SPICE1: variants seen among roughly 807,000 people sequenced by gnomAD.
The protein encoded by SPICE1 is spindle and centriole-associated protein 1.
In SPICE1, 75 loss-of-function variants were observed where a neutral mutation model predicts 102.7. The observed-to-expected ratio is 0.73, with a 90% CI of 0.61 to 0.88. SPICE1 has a LOEUF of 0.88. Among genes scored for constraint, SPICE1 ranks in the 40% least tolerant of loss-of-function variants. The pLI, the probability that SPICE1 is intolerant of heterozygous loss-of-function variation, is 0.00. For missense variants in SPICE1, 979 were observed against 1,020.1 expected (o/e 0.96, Z 0.55); for synonymous variants, 308 against 350.3 (o/e 0.88, Z 1.35).
At chr3:113,451,831 C>G (rs1489537698) in intron 14 of SPICE1, among the ~76,000 whole-genome samples, 1 of 152,072 alleles carries the variant, frequency 6.6e-6, no homozygotes, top group African/African-American at 2.4e-5. Flanking sequence ...GATTCAATAC[C>G]CATATTGTCC....
In SPICE1 at chr3:113,465,728, T is replaced by C. The variant is rs1012749187; in HGVS notation, c.1212A>G (p.Leu404=). The C allele has an allele frequency of 8.7e-6, 14 of 1,613,818 alleles. No individual in the cohort carries two copies. Among genetic ancestry groups the C allele is most frequent in the Admixed American group, 1.7e-5 (1 of 59,986 alleles). The change falls in exon 11 of 18, where the codon TTA becomes TTG. Residue 404 remains leucine (L), a synonymous_variant. Coordinates refer to ENST00000295872, the MANE Select transcript of SPICE1 (RefSeq NM_144718.4). ...VETRQQLEQV[L]GDHRELIDAL... ...CATCAATGAGCTCTCGATGATCACC[T>C]AATACTTGTTCCAGTTGTTGCCTTG...
At chr3:113,460,538 T>C in intron 12 of SPICE1, 79 bp downstream of exon 12, 1 of 1,510,184 alleles carries the variant, frequency 6.6e-7, no homozygotes, top group Non-Finnish European at 8.8e-7. Flanking sequence ...TATATAAGTT[T>C]AGAGATTTAA....
chr3:113,451,425 C>T (rs78382321), intron 14 of SPICE1, among the ~76,000 whole-genome samples: 6,200 of 151,934 alleles, frequency 0.041, 153 homozygotes, highest in East Asian at 0.1. Context: ...AAAAAATAAT[C>T]CCTAATAAAA....
Position 113,445,251 on chromosome 3 carries a change from C to T in SPICE1, c.*56G>A, listed in dbSNP as rs113186880. 5.6e-6 allele frequency: 8 copies of T among 1,419,988 alleles called. No homozygotes were observed. The highest frequency in any genetic ancestry group is 4.3e-5 in the African/African-American group (3 of 70,292). 88.0% of individuals were successfully genotyped at this position (1,419,988 alleles called of 1,614,324 possible). The stretch of plus-strand genomic sequence containing the variant: ...GGATATAAAAACTTAAAAGTCAGAG[C>T]AGGGAAAGGGAAGTAATAAATTATT... On this transcript the variant is annotated 3_prime_UTR_variant, in exon 18 of 18. Transcript: ENST00000295872.
intron 7 of SPICE1, among the ~76,000 whole-genome samples, chr3:113,475,012 A>T (rs2107473049): frequency 6.6e-6 from 1 of 152,296 alleles, no homozygotes; most frequent in East Asian, 1.9e-4. Context: ...TTTTGAAAGG[A>T]TCAACAAAAT....
chr3:113,458,753 G>A (rs372250902), intron 12 of SPICE1, among the ~76,000 whole-genome samples: 14 of 151,230 alleles, frequency 9.3e-5, no homozygotes, highest in Non-Finnish European at 1.3e-4. Context: ...CCATCATCCC[G>A]TCTAGGAAGT....
At chr3:113,476,232 G>A (rs7619662) in intron 7 of SPICE1, among the ~76,000 whole-genome samples, 41,783 of 147,894 alleles carry the variant, frequency 0.28, 7,906 homozygotes, top group African/African-American at 0.53. Context: ...TACAAGGGAT[G>A]TGAAGGACCT....
Position 113,469,562 on chromosome 3 carries a change from A to G in SPICE1, c.612-324T>C, listed in dbSNP as rs138241049. ...ATATTTATATCTAATTTATATGTAT[A>G]TTATATTAATTTATATAAAAAATAG... On this transcript the variant is annotated intron_variant, in intron 7 of 17. Transcript: ENST00000295872. 4.7e-3 allele frequency among the ~76,000 whole-genome samples: 692 copies of G among 147,840 alleles called. 6 individuals carry two copies. The highest frequency in any genetic ancestry group is 0.016 in the African/African-American group (655 of 40,772).
Position 113,465,684 on chromosome 3 carries a change from A to G in SPICE1, c.1256T>C (p.Leu419Pro). The G allele has an allele frequency of 6.2e-7, 1 of 1,613,966 alleles. No individual in the cohort carries two copies. Among genetic ancestry groups the G allele is most frequent in the Non-Finnish European group, 8.5e-7 (1 of 1,179,938 alleles). Reference sequence around the variant, plus strand: ...AGCAGCGTTTTCTTCTCTAAGACGAAGAATTTCAGCTGTCAGAGCATCAAT... The same window carrying G: ...AGCAGCGTTTTCTTCTCTAAGACGAGGAATTTCAGCTGTCAGAGCATCAAT... The part of the protein sequence containing the change: ...ELIDALTAEI[L>P]RLREENAATQ... Residue 419 changes from leucine (L) to proline (P), a missense_variant, in exon 11 of 18, where the codon CTT (leucine) becomes CCT (proline). Coordinates refer to ENST00000295872, the MANE Select transcript of SPICE1 (RefSeq NM_144718.4).
At chr3:113,475,369 G>C (rs1450775553) in intron 7 of SPICE1, among the ~76,000 whole-genome samples, 1 of 152,082 alleles carries the variant, frequency 6.6e-6, no homozygotes, top group Non-Finnish European at 1.5e-5. Context: ...GGAGGAACTG[G>C]TACCATTCCT....
chr3:113,494,422 C>A (rs1325060945), intron 4 of SPICE1, among the ~76,000 whole-genome samples: 2 of 151,922 alleles, frequency 1.3e-5, no homozygotes, highest in South Asian at 2.1e-4. Context: ...CCGAGGCGGG[C>A]GGATCACGAG....
intron 7 of SPICE1, among the ~76,000 whole-genome samples, chr3:113,475,755 C>T (rs1005450171): frequency 1.1e-4 from 17 of 152,152 alleles, no homozygotes; most frequent in African/African-American, 3.4e-4. Context: ...TAAAAACTCT[C>T]GATAAATTAG....
chr3:113,492,724 G>C (rs535492521), intron 6 of SPICE1, among the ~76,000 whole-genome samples: 1 of 152,016 alleles, frequency 6.6e-6, no homozygotes, highest in Admixed American at 6.5e-5. Context: ...AACAAAAAAC[G>C]AAGAAGCAAA....
intron 14 of SPICE1, 34 bp downstream of exon 14, chr3:113,453,432 A>T (rs755140106): frequency 6.5e-7 from 1 of 1,543,960 alleles, no homozygotes; most frequent in Non-Finnish European, 8.7e-7. Flanking sequence ...TTAAATTCCT[A>T]TATGTCCCTA....
rs966065523 is a variant in SPICE1 at position 113,468,625 on chromosome 3, T to C, written c.889+137A>G. 7.1e-6 allele frequency: 8 copies of C among 1,131,880 alleles called. No individual in the cohort carries two copies. In the African/African-American group the frequency reaches 1.1e-4, roughly 16 times the overall value. 70.1% of individuals were successfully genotyped at this position (1,131,880 alleles called of 1,614,324 possible). Reference sequence around the variant, plus strand: ...AGAGTTACATGTGGTAGGAGACATTTCTTAGCTACCATTCAATAAACTTTC... The same window carrying C: ...AGAGTTACATGTGGTAGGAGACATTCCTTAGCTACCATTCAATAAACTTTC... On this transcript the variant is annotated intron_variant, in intron 9 of 17. Coordinates refer to ENST00000295872, the MANE Select transcript of SPICE1 (RefSeq NM_144718.4).
intron 1 of SPICE1, among the ~76,000 whole-genome samples, chr3:113,512,011 G>A (rs1239978535): frequency 6.6e-6 from 1 of 151,744 alleles, no homozygotes; most frequent in Non-Finnish European, 1.5e-5. Context: ...CTTAAAAATG[G>A]GGGGAAAAGT....
chr3:113,486,662 G>C (rs1936655305), intron 7 of SPICE1, among the ~76,000 whole-genome samples: 1 of 151,546 alleles, frequency 6.6e-6, no homozygotes, highest in Non-Finnish European at 1.5e-5. Context: ...TCATTAAGTG[G>C]TAAAAGCAAA....
rs1559954814 is a variant in SPICE1, at chr3:113,446,583, G to GT, written c.2514+5dup. Reference sequence around the variant, plus strand: ...ATGCATTTCACAATTACATTTTAACGTGTACCTTTGCTCTTGGATTAAGAG... The same window carrying GT: ...ATGCATTTCACAATTACATTTTAACGTTGTACCTTTGCTCTTGGATTAAGAG... On this transcript the variant is annotated splice_donor_region_variant and intron_variant, in intron 17 of 17. Transcript: ENST00000295872. 6.2e-7 allele frequency: 1 copy of GT among 1,609,316 alleles called. No individual in the cohort carries two copies. Among genetic ancestry groups the GT allele is most frequent in the African/African-American group, 1.3e-5 (1 of 74,788 alleles).
chr3:113,460,262 C>T, intron 12 of SPICE1: 1 of 980,750 alleles, frequency 1.0e-6, no homozygotes, highest in Non-Finnish European at 1.2e-6. Flanking sequence ...CTAGCACTCT[C>T]TTTGGTCTAG....
Sources: gnomAD v4.1 joint callset for allele counts (sites outside exome capture counted in the v4.1 genomes callset) on GRCh38, gnomAD v4.1.1 for gene constraint, MANE v1.5 for transcripts, NCBI Gene and HGNC (gene_info 2026-07-23, HGNC 2026-07-21) for gene names.